The following ASPHD1 variants were observed in gnomAD, a reference collection of about 807,000 sequenced individuals.
ASPHD1 encodes aspartate beta-hydroxylase domain containing 1.
In ASPHD1, 20 loss-of-function variants were observed where a neutral mutation model predicts 28.3. That is an observed-to-expected ratio of 0.71 (90% CI 0.50 to 1.03). The LOEUF (loss-of-function observed/expected upper bound fraction) is 1.03. Ranked by LOEUF, ASPHD1 falls within the 50% of genes least tolerant of loss-of-function variation. The probability of loss-of-function intolerance (pLI) is 0.00; values close to 1 mark genes in which losing one functional copy is unlikely to be tolerated. For missense variants in ASPHD1, 479 were observed against 524.1 expected (o/e 0.91, Z 0.84); for synonymous variants, 240 against 221.2 (o/e 1.08, Z -0.75).
chr16:29,911,817 G>T (rs2068717351), intron 3 of ASPHD1: 2 of 1,612,542 alleles, frequency 1.2e-6, no homozygotes, highest in African/African-American at 1.3e-5. Flanking sequence ...GCGGTCACCT[G>T]GTGTAGGAGT....
Position 29,901,349 on chromosome 16 carries a change from C to G in ASPHD1, c.378C>G (p.Gly126=), listed in dbSNP as rs746155134. 2 of 1,599,910 alleles carry G rather than the reference C, an allele frequency of 1.3e-6. No homozygotes were observed. Among genetic ancestry groups the G allele is most frequent in the Admixed American group, 3.5e-5 (2 of 57,938 alleles). ...RGGPVGCSEA[G]GPSPGGPGDP... ...GGCCTGTGGGATGCTCGGAGGCCGGCGGGCCAAGCCCAGGGGGTCCTGGGG... is the reference window on the plus strand; with the variant it reads ...GGCCTGTGGGATGCTCGGAGGCCGGGGGGCCAAGCCCAGGGGGTCCTGGGG... The change falls in exon 1 of 3, where the codon GGC becomes GGG. Residue 126 remains glycine, a synonymous_variant. Transcript: ENST00000308748. This position sits in a 1 kb window ranked among gnomAD's most constrained non-coding sequence, Gnocchi z 5.1.
intron 1 of ASPHD1, among the ~76,000 whole-genome samples, chr16:29,904,585 C>T (rs948433597): frequency 2.7e-5 from 4 of 150,418 alleles, no homozygotes; most frequent in Middle Eastern, 3.2e-3. Flanking sequence ...TCCACTCCAG[C>T]CTGGGTGAGA....
At position 29,905,018 on chromosome 16, in the gene ASPHD1, C is replaced by T. The variant is rs554444142; in HGVS notation, c.1063+53C>T. ...GATGAGGGACTCAGGAGCAAAGGAG[C>T]GTTGACTAGAAGGCAGCAGAATCAG... On this transcript the variant is annotated intron_variant, in intron 2 of 2. Coordinates refer to ENST00000308748, the MANE Select transcript of ASPHD1 (RefSeq NM_181718.4). 5 of 1,367,252 alleles carry T rather than the reference C, an allele frequency of 3.7e-6. No homozygotes were observed. In the Admixed American group the frequency reaches 5.5e-5, roughly 15 times the overall value. 84.7% of individuals were successfully genotyped at this position (1,367,252 alleles called of 1,614,324 possible).
At chr16:29,902,358 G>A (rs909772135) in intron 1 of ASPHD1, among the ~76,000 whole-genome samples, 1 of 152,190 alleles carries the variant, frequency 6.6e-6, no homozygotes, top group South Asian at 2.1e-4. Context: ...GAGCTCAGCA[G>A]TTTGAGGCTG....
downstream of ASPHD1, among the ~76,000 whole-genome samples, chr16:29,910,383 C>T (rs1319067862): frequency 6.6e-6 from 1 of 151,538 alleles, no homozygotes; most frequent in African/African-American, 2.4e-5. Flanking sequence ...GGTGACACAA[C>T]GAGACTCCAT....
downstream of ASPHD1, chr16:29,910,987 C>T: frequency 1.2e-6 from 2 of 1,613,906 alleles, no homozygotes; most frequent in Non-Finnish European, 1.7e-6. Flanking sequence ...CCTTGGTCTG[C>T]TTCTTCTCCG....
At chr16:29,919,241 C>G (rs1245662976) in intron 3 of ASPHD1, among the ~76,000 whole-genome samples, 1 of 152,122 alleles carries the variant, frequency 6.6e-6, no homozygotes, top group Non-Finnish European at 1.5e-5. Context: ...CTTTAACAAG[C>G]CAGCATCGTG....
intron 3 of ASPHD1, among the ~76,000 whole-genome samples, chr16:29,917,610 T>C (rs1019460712): frequency 2.0e-5 from 3 of 151,994 alleles, no homozygotes; most frequent in African/African-American, 7.3e-5. Context: ...TGAAACCCCA[T>C]CTCTGCTAAA....
chr16:29,901,581 G>T lies in ASPHD1; in HGVS notation c.610G>T (p.Asp204Tyr). ...DLPSAPFVPR[D>Y]AQRHDVELLE... The stretch of plus-strand genomic sequence containing the variant: ...GCCTTCAGCCCCCTTTGTGCCGCGG[G>T]ACGCCCAGCGGCACGACGTGGAGCT... Residue 204 changes from aspartate to tyrosine, a missense_variant, in exon 1 of 3, where the codon GAC (aspartate) becomes TAC (tyrosine). Coordinates refer to ENST00000308748, the MANE Select transcript of ASPHD1 (RefSeq NM_181718.4). The surrounding 1 kb of genome is among the most constrained non-coding windows in gnomAD (Gnocchi z 5.1). The T allele has an allele frequency of 6.5e-7, 1 of 1,542,938 alleles. No individual in the cohort carries two copies. Among genetic ancestry groups the T allele is most frequent in the South Asian group, 1.2e-5 (1 of 81,710 alleles).
At chr16:29,919,575 T>A (rs1274642407) in exon 4 of ASPHD1, 6 of 152,158 alleles carry the variant, frequency 3.9e-5, no homozygotes. Context: ...CCTGGTTTGA[T>A]GAACCAGCTG....
At chr16:29,903,311 A>G (rs2068571483) in intron 1 of ASPHD1, among the ~76,000 whole-genome samples, 1 of 151,944 alleles carries the variant, frequency 6.6e-6, no homozygotes, top group Non-Finnish European at 1.5e-5. Context: ...AGCCGAGATC[A>G]CAACATTGCA....
intron 3 of ASPHD1, chr16:29,912,076 C>T (rs1298289009): frequency 1.3e-6 from 2 of 1,520,000 alleles, no homozygotes; most frequent in Non-Finnish European, 9.0e-7. Context: ...AGGTGGTTAA[C>T]AGCACAACCA....
intron 1 of ASPHD1, among the ~76,000 whole-genome samples, chr16:29,903,257 G>A (rs1029184592): frequency 3.9e-5 from 6 of 151,992 alleles, no homozygotes; most frequent in Admixed American, 2.0e-4. Flanking sequence ...TCGGGAGGCC[G>A]AGGCAGGAGA....
At chr16:29,919,159 C>A (rs1335292090) in intron 3 of ASPHD1, among the ~76,000 whole-genome samples, 2 of 152,060 alleles carry the variant, frequency 1.3e-5, no homozygotes, top group Non-Finnish European at 2.9e-5. Flanking sequence ...GGGTAATAAA[C>A]CAAACGATAC....
chr16:29,901,009 G>C lies in ASPHD1; in HGVS notation c.38G>C (p.Gly13Ala). 6.4e-7 allele frequency: 1 copy of C among 1,565,318 alleles called. No individual in the cohort carries two copies. Among genetic ancestry groups the C allele is most frequent in the Non-Finnish European group, 8.7e-7 (1 of 1,154,364 alleles). The change falls in exon 1 of 3, where the codon GGA (glycine) becomes GCA (alanine). Residue 13 changes from glycine to alanine, a missense_variant. Transcript: ENST00000308748. This position sits in a 1 kb window ranked among gnomAD's most constrained non-coding sequence, Gnocchi z 5.1. ...AGAGGGAGCTTCAGCGTGGAGAGAG[G>C]ACCGCGGAAGGAGAGAGAGACAGCC... The part of the protein sequence containing the change: ...EGRGSFSVER[G>A]PRKERETAQS...
chr16:29,903,656 G>C (rs962898108), intron 1 of ASPHD1, among the ~76,000 whole-genome samples: 2 of 151,946 alleles, frequency 1.3e-5, no homozygotes, highest in Admixed American at 6.6e-5. Context: ...CCCTCTCTCT[G>C]TGCTCTAAAT....
In ASPHD1 at chr16:29,901,062, C is replaced by A. The variant is rs2068536452; in HGVS notation, c.91C>A (p.Pro31Thr). 1 of 1,606,860 alleles carries A rather than the reference C, an allele frequency of 6.2e-7. No homozygotes were observed. Among genetic ancestry groups the A allele is most frequent in the African/African-American group, 1.3e-5 (1 of 74,788 alleles). Residue 31 changes from proline (P) to threonine (T), a missense_variant, in exon 1 of 3, where the codon CCA becomes ACA. Transcript: ENST00000308748. This position sits in a 1 kb window ranked among gnomAD's most constrained non-coding sequence, Gnocchi z 5.1. Reference sequence around the variant, plus strand: ...GAGTGGAATGTGGAAGGGAAACAGTCCAGCGGGGAGCCAGGGGGCAGCCAT... The same window carrying A: ...GAGTGGAATGTGGAAGGGAAACAGTACAGCGGGGAGCCAGGGGGCAGCCAT... Reference protein sequence around the residue: ...AQSGMWKGNSPAGSQGAAMEG... With the variant: ...AQSGMWKGNSTAGSQGAAMEG...
intron 3 of ASPHD1, chr16:29,911,338 A>G (rs2068705090): frequency 3.2e-6 from 2 of 621,190 alleles, no homozygotes; most frequent in African/African-American, 1.9e-5. Flanking sequence ...CGGGTCTCAG[A>G]AGGGAAGCCA....
chr16:29,911,601 T>G, intron 3 of ASPHD1: 1 of 603,468 alleles, frequency 1.7e-6, no homozygotes, highest in Non-Finnish European at 2.9e-6. Flanking sequence ...TATCACTTTG[T>G]CCTCACCCAA....
Sources: gnomAD v4.1 joint callset for allele counts (sites outside exome capture counted in the v4.1 genomes callset) on GRCh38, gnomAD v4.1.1 for gene constraint, Gnocchi (gnomAD v3.1) non-coding constraint, MANE v1.5 for transcripts, NCBI Gene and HGNC (gene_info 2026-07-23, HGNC 2026-07-21) for gene names.